Variants in SLC43A2 observed in about 807,000 individuals in gnomAD.
SLC43A2 encodes the protein large neutral amino acids transporter small subunit 4.
In SLC43A2, 38 loss-of-function variants were observed where a neutral mutation model predicts 63.2. That is an observed-to-expected ratio of 0.60 (90% confidence interval 0.46 to 0.79). The LOEUF is 0.79. Ranked by LOEUF, SLC43A2 falls within the 30% of genes least tolerant of loss-of-function variation. SLC43A2 has a pLI of 0.00. For synonymous variants in SLC43A2, 322 were observed against 331.0 expected, an observed-to-expected ratio of 0.97 and a Z score of 0.30; for missense variants, 644 against 756.2, an observed-to-expected ratio of 0.85 and a Z score of 1.74.
intron 5 of SLC43A2, among the ~76,000 whole-genome samples, chr17:1,610,695 T>C (rs558215954): frequency 1.4e-4 from 21 of 150,954 alleles, no homozygotes; most frequent in South Asian, 4.2e-4. Context: ...CTGGTCAACA[T>C]AGTAAGACCC....
rs760292217 is a variant in SLC43A2, at chr17:1,575,609, C to G, written c.1705G>C (p.Val569Leu). Residue 569 changes from valine to leucine, a missense_variant, in exon 14 of 14, where the codon GTG (valine) becomes CTG (leucine). By Grantham distance (32) the Val-to-Leu change is conservative. Coordinates refer to ENST00000301335, the MANE Select transcript of SLC43A2 (RefSeq NM_152346.3). ...CAGTTCCGAGGCGGCAGCCACTACA[C>G]GAAGGCCTCCTGGTTGGACGAGCCG... ...INGSSNQEAFV is the reference protein window; with the variant it reads ...INGSSNQEAFL 1.2e-6 allele frequency: 2 copies of G among 1,613,990 alleles called. No individual in the cohort carries two copies. Among genetic ancestry groups the G allele is most frequent in the Non-Finnish European group, 1.7e-6 (2 of 1,179,974 alleles).
At position 1,569,373 on chromosome 17, in the gene SLC43A2, AC is replaced by A; in HGVS notation, c.*6230del. 1 of 152,354 alleles carries A rather than the reference AC, an allele frequency of 6.6e-6. No individual in the cohort carries two copies. Among genetic ancestry groups the A allele is most frequent in the South Asian group, 2.1e-4 (1 of 4,826 alleles). The allele number at this position is 152,354 out of a possible 1,614,324, so 9.4% of individuals were successfully genotyped here. A position where few individuals can be genotyped will look rare whatever the true frequency, so the allele number is the denominator to read the frequency against. On this transcript the variant is annotated 3_prime_UTR_variant, in exon 14 of 14. Transcript: ENST00000301335. The stretch of plus-strand genomic sequence containing the variant: ...AAGAGGCGGGTCAGCCGCTGGGTTG[AC>A]CCTGGTTAATACAGGGTACGGATTA...
intron 5 of SLC43A2, among the ~76,000 whole-genome samples, chr17:1,612,211 G>C (rs1238181565): frequency 1.3e-5 from 2 of 152,110 alleles, no homozygotes; most frequent in Non-Finnish European, 2.9e-5. Flanking sequence ...TGATCCGCCT[G>C]CCTCAGTCTC....
Position 1,578,455 on chromosome 17 carries a change from G to A in SLC43A2, c.1351-132C>T. 1.3e-6 allele frequency: 1 copy of A among 743,208 alleles called. No homozygotes were observed. The highest frequency in any genetic ancestry group is 2.1e-6 in the Non-Finnish European group (1 of 471,642). The allele number at this position is 743,208 out of a possible 1,614,324, so 46.0% of individuals were successfully genotyped here. ...GGAGTTGGATCAACCCCATCCTCCG[G>A]AGCCAATTGTGAATTTTCAGAAATT... On this transcript the variant is annotated intron_variant, in intron 11 of 13. Transcript: ENST00000301335. The surrounding 1 kb of genome is among the most constrained non-coding windows in gnomAD (Gnocchi z 6.5).
chr17:1,591,134 C>T, intron 8 of SLC43A2, 135 bp downstream of exon 8: 1 of 1,308,368 alleles, frequency 7.6e-7, no homozygotes, highest in Non-Finnish European at 1.0e-6. Context: ...TTCCCTCCCC[C>T]AGGCCTTCCT....
intron 9 of SLC43A2, chr17:1,586,972 A>G (rs1260363323): frequency 2.0e-6 from 3 of 1,528,672 alleles, no homozygotes; most frequent in Non-Finnish European, 2.6e-6. Context: ...TGCATCAAGA[A>G]AGCAAAAGTG....
In SLC43A2 at chr17:1,588,131, G is replaced by A. The variant is rs1483450601; in HGVS notation, c.1079-2080C>T. Among the ~76,000 whole-genome samples, 8 of 152,256 alleles carry A rather than the reference G, an allele frequency of 5.3e-5. No homozygotes were observed. The East Asian group carries it at 1.3e-3, about 26-fold the overall frequency. On this transcript the variant is annotated intron_variant, in intron 9 of 13. Coordinates refer to ENST00000301335, the MANE Select transcript of SLC43A2 (RefSeq NM_152346.3). ...ACTGGCTTTTTGGCTGGGCATCGTG[G>A]CTCACGCCTGTAATCTCAGCACTTT...
At chr17:1,580,969 C>T (rs62087979) in intron 11 of SLC43A2, among the ~76,000 whole-genome samples, 56,832 of 151,964 alleles carry the variant, frequency 0.37, 11,154 homozygotes, top group Middle Eastern at 0.5. Flanking sequence ...AAAGTTCTGT[C>T]GCTGTCTGTG....
In SLC43A2 at chr17:1,616,779, G is replaced by A. The variant is rs994171092; in HGVS notation, c.161-10C>T. 3 of 1,613,196 alleles carry A rather than the reference G, an allele frequency of 1.9e-6. No homozygotes were observed. The highest frequency in any genetic ancestry group is 2.5e-6 in the Non-Finnish European group (3 of 1,179,970). The stretch of plus-strand genomic sequence containing the variant: ...CCATTGGTGACATTCTCTGTGTGAA[G>A]AGGGAAGGAAACCCTGACCTCAGGG... On this transcript the variant is annotated splice_polypyrimidine_tract_variant and intron_variant, in intron 2 of 13. Transcript: ENST00000301335.
At chr17:1,580,239 G>T (rs1012709642) in intron 11 of SLC43A2, among the ~76,000 whole-genome samples, 1 of 152,208 alleles carries the variant, frequency 6.6e-6, no homozygotes, top group Non-Finnish European at 1.5e-5. Context: ...ATCTACTGTA[G>T]AAATACCACG....
At chr17:1,582,646 C>T (rs1181098917) in intron 11 of SLC43A2, among the ~76,000 whole-genome samples, 2 of 152,182 alleles carry the variant, frequency 1.3e-5, no homozygotes, top group Non-Finnish European at 2.9e-5. Context: ...ACATGCCTTC[C>T]GGGGAGGAGT....
At chr17:1,582,726 G>C (rs2076038585) in intron 11 of SLC43A2, among the ~76,000 whole-genome samples, 1 of 152,204 alleles carries the variant, frequency 6.6e-6, no homozygotes, top group Non-Finnish European at 1.5e-5. Flanking sequence ...GCAGGGAACA[G>C]GCCCTCCGCA....
intron 9 of SLC43A2, chr17:1,586,927 A>AGGGGGCC: frequency 7.4e-7 from 1 of 1,355,944 alleles, no homozygotes; most frequent in Non-Finnish European, 1.0e-6. Context: ...TTCCCTGACA[A>AGGGGGCC]TCCCCCCCAC....
At position 1,584,819 on chromosome 17, in the gene SLC43A2, C is replaced by CAA. The variant is rs11463729; in HGVS notation, c.1217+1092_1217+1093dup. On this transcript the variant is annotated intron_variant, in intron 10 of 13. Coordinates refer to ENST00000301335, the MANE Select transcript of SLC43A2 (RefSeq NM_152346.3). ...TGGGCGACAGAGCGAGACTCCGTCTCAAAAAAAAAAAAGAAAAAGAAAAAA... is the reference window on the plus strand; with the variant it reads ...TGGGCGACAGAGCGAGACTCCGTCTCAAAAAAAAAAAAAAGAAAAAGAAAAAA... Among the ~76,000 whole-genome samples the CAA allele has an allele frequency of 1.3e-3, 190 of 142,096 alleles. 1 individual carries two copies. The highest frequency in any genetic ancestry group is 3.5e-3 in the Middle Eastern group (1 of 282). The allele number at this position is 142,096 out of a possible 152,430, so 93.2% of individuals were successfully genotyped here.
intron 5 of SLC43A2, chr17:1,604,377 G>A (rs1320489313): frequency 1.5e-5 from 3 of 203,624 alleles, no homozygotes. Context: ...TGTTTTTGGA[G>A]ATGAGGTCAT....
At chr17:1,589,546 A>T (rs1243404780) in intron 9 of SLC43A2, among the ~76,000 whole-genome samples, 1 of 152,178 alleles carries the variant, frequency 6.6e-6, no homozygotes, top group East Asian at 1.9e-4. Flanking sequence ...AGCAACGCAG[A>T]AAGAGACCCT....
At chr17:1,591,957 C>T (rs189759658) in intron 6 of SLC43A2, among the ~76,000 whole-genome samples, 14 of 152,356 alleles carry the variant, frequency 9.2e-5, no homozygotes, top group South Asian at 2.1e-4. Flanking sequence ...CTGACCGCCC[C>T]GCCATGACCA....
chr17:1,619,457 A>G (rs1473837587), intron 2 of SLC43A2, among the ~76,000 whole-genome samples: 1 of 152,196 alleles, frequency 6.6e-6, no homozygotes, highest in African/African-American at 2.4e-5. Flanking sequence ...ACAGAAATAC[A>G]ACGTCACCAA....
rs1170246350 is a variant in SLC43A2, at chr17:1,577,557, CAT to C, written c.1424+691_1424+692del. ...GAGAGTTCCGGGCTAAATCTTAGCA[CAT>C]GTCAGGCTCTGCTGGCCCAGAGGTG... On this transcript the variant is annotated intron_variant, in intron 12 of 13. Transcript: ENST00000301335. This position sits in a 1 kb window ranked among gnomAD's most constrained non-coding sequence, Gnocchi z 4.9. 6.6e-6 allele frequency among the ~76,000 whole-genome samples: 1 copy of C among 152,146 alleles called. No individual in the cohort carries two copies. Among genetic ancestry groups the C allele is most frequent in the East Asian group, 1.9e-4 (1 of 5,190 alleles).
Sources: gnomAD v4.1 joint callset for allele counts (sites outside exome capture counted in the v4.1 genomes callset) on GRCh38, gnomAD v4.1.1 for gene constraint, Gnocchi (gnomAD v3.1) non-coding constraint, MANE v1.5 for transcripts, NCBI Gene and HGNC (gene_info 2026-07-23, HGNC 2026-07-21) for gene names.